PRKRA: variants seen among roughly 807,000 people sequenced by gnomAD.
The protein encoded by PRKRA is interferon-inducible double-stranded RNA-dependent protein kinase activator A.
A neutral mutation model predicts 32.4 loss-of-function variants in PRKRA; 22 were observed. The observed-to-expected ratio is 0.68, with a 90% CI of 0.49 to 0.97. The LOEUF (loss-of-function observed/expected upper bound fraction) is 0.97. Ranked by LOEUF, PRKRA falls within the 50% of genes least tolerant of loss-of-function variation. The probability of loss-of-function intolerance (pLI) is 0.00; values close to 1 mark genes in which losing one functional copy is unlikely to be tolerated. For synonymous variants in PRKRA, 139 were observed against 129.8 expected (o/e 1.07, Z -0.48); for missense variants, 319 against 375.6 (o/e 0.85, Z 1.25).
At position 178,438,141 on chromosome 2, in the gene PRKRA, G is replaced by T. The variant is rs542069676; in HGVS notation, c.610-1822C>A. ...TGCAGTAGGTTTTATGTTGTCAAAT[G>T]TATTAATCTTTTAACCTAGGTTTTA... On this transcript the variant is annotated intron_variant, in intron 6 of 7. Coordinates refer to ENST00000325748, the MANE Select transcript of PRKRA (RefSeq NM_003690.5). Among the ~76,000 whole-genome samples the T allele has an allele frequency of 1.5e-3, 221 of 152,288 alleles. 5 individuals are homozygous for T. In the South Asian group the frequency reaches 0.022, roughly 15 times the overall value.
chr2:178,441,485 T>A, intron 6 of PRKRA, 125 bp downstream of exon 6: 1 of 824,982 alleles, frequency 1.2e-6, no homozygotes, highest in Non-Finnish European at 2.0e-6. Flanking sequence ...AGGGTATAAC[T>A]GAATAATGAA....
At chr2:178,447,300 A>G (rs945122770) in intron 3 of PRKRA, 15 of 797,382 alleles carry the variant, frequency 1.9e-5, no homozygotes, top group Non-Finnish European at 2.7e-5. Context: ...CTAGTTCATG[A>G]GCACCTTCAT....
intron 6 of PRKRA, among the ~76,000 whole-genome samples, chr2:178,440,424 G>A (rs904036911): frequency 6.6e-6 from 1 of 152,112 alleles, no homozygotes; most frequent in Non-Finnish European, 1.5e-5. Context: ...TATATCATGT[G>A]TAGGCCAATC....
chr2:178,441,730 A>T (rs529529171), intron 5 of PRKRA, 26 bp from the exon 6 acceptor site: 1 of 740,808 alleles, frequency 1.3e-6, no homozygotes, highest in African/African-American at 2.0e-5. Flanking sequence ...GAAATGGTAG[A>T]TTTAGAAAAG....
At chr2:178,432,775 G>A (rs113961694) in intron 7 of PRKRA, among the ~76,000 whole-genome samples, 5 of 152,232 alleles carry the variant, frequency 3.3e-5, no homozygotes, top group African/African-American at 1.2e-4. Flanking sequence ...AAAAAAAAAT[G>A]TTTAATTGAT....
chr2:178,450,427 A>G lies in PRKRA; in HGVS notation c.66-16T>C, dbSNP rs535247514. On this transcript the variant is annotated splice_polypyrimidine_tract_variant and intron_variant, in intron 1 of 7. Transcript: ENST00000325748. Reference sequence around the variant, plus strand: ...CTTCCCCAAACTGCAAAAACCACAAAAAGGTGTGCTTTGCATGCCAAATTG... The same window carrying G: ...CTTCCCCAAACTGCAAAAACCACAAGAAGGTGTGCTTTGCATGCCAAATTG... 1 of 827,928 alleles carries G rather than the reference A, an allele frequency of 1.2e-6. No homozygotes were observed. The highest frequency in any genetic ancestry group is 3.8e-5 in the Admixed American group (1 of 26,064). The allele number at this position is 827,928 out of a possible 1,614,324, so 51.3% of individuals were successfully genotyped here. A position where few individuals can be genotyped will look rare whatever the true frequency, so the allele number is the denominator to read the frequency against.
rs1189646800 is a variant in PRKRA at position 178,436,220 on chromosome 2, G to A, written c.709C>T (p.Pro237Ser). ...AGCAGCTGGATGTAATCTGTATTTGGAATACTAAGGAGGCTTCTTTTCAGT... is the reference window on the plus strand; with the variant it reads ...AGCAGCTGGATGTAATCTGTATTTGAAATACTAAGGAGGCTTCTTTTCAGT... ...NLLKRSLLSI[P>S]NTDYIQLLSE... The change falls in exon 7 of 8, where the codon CCA (proline) becomes TCA (serine). Residue 237 changes from proline to serine, a missense_variant. Pro to Ser is a moderately conservative substitution (Grantham distance 74). Transcript: ENST00000325748. 6.2e-7 allele frequency: 1 copy of A among 1,612,742 alleles called. No homozygotes were observed. The highest frequency in any genetic ancestry group is 1.7e-5 in the Admixed American group (1 of 60,034).
chr2:178,450,219 C>G lies in PRKRA; in HGVS notation c.235+23G>C, dbSNP rs935278148. 6.2e-6 allele frequency: 10 copies of G among 1,614,108 alleles called. No individual in the cohort carries two copies. The Admixed American group carries it at 1.7e-4, about 27-fold the overall frequency. On this transcript the variant is annotated intron_variant, in intron 2 of 7. Transcript: ENST00000325748. ...ATTGACTGCCAACCCACTCGGTCAT[C>G]CAGGTTAACTGTGTATACAGACCTG...
At chr2:178,437,952 C>A (rs1048027132) in intron 6 of PRKRA, among the ~76,000 whole-genome samples, 2 of 152,178 alleles carry the variant, frequency 1.3e-5, no homozygotes, top group Non-Finnish European at 2.9e-5. Context: ...GTCCTCCCAC[C>A]TTAGCCTCCC....
chr2:178,441,717 A>G lies in PRKRA; in HGVS notation c.515-13T>C. 1 of 1,572,896 alleles carries G rather than the reference A, an allele frequency of 6.4e-7. No individual in the cohort carries two copies. Among genetic ancestry groups the G allele is most frequent in the South Asian group, 1.1e-5 (1 of 90,244 alleles). Reference sequence around the variant, plus strand: ...GATGCCCCCTTTCCTGAACAAAGAAAAAGAAATGGTAGATTTAGAAAAGAA... The same window carrying G: ...GATGCCCCCTTTCCTGAACAAAGAAGAAGAAATGGTAGATTTAGAAAAGAA... On this transcript the variant is annotated splice_polypyrimidine_tract_variant and intron_variant, in intron 5 of 7. Coordinates refer to ENST00000325748, the MANE Select transcript of PRKRA (RefSeq NM_003690.5).
intron 5 of PRKRA, among the ~76,000 whole-genome samples, chr2:178,442,196 T>C (rs1267030402): frequency 6.6e-6 from 1 of 152,220 alleles, no homozygotes; most frequent in African/African-American, 2.4e-5. Flanking sequence ...GTATAGTTAC[T>C]AATTCTTACA....
intron 7 of PRKRA, among the ~76,000 whole-genome samples, chr2:178,435,519 C>G (rs376573369): frequency 6.6e-5 from 10 of 151,890 alleles, no homozygotes; most frequent in African/African-American, 2.4e-4. Flanking sequence ...TGATTAAGGG[C>G]TAGAGAAAAT....
chr2:178,448,876 A>G (rs1181379083), intron 2 of PRKRA, among the ~76,000 whole-genome samples: 1 of 152,222 alleles, frequency 6.6e-6, no homozygotes, highest in Non-Finnish European at 1.5e-5. Context: ...GTGATTGTGG[A>G]GCCTTTACAT....
chr2:178,446,454 G>C (rs1036670127), intron 3 of PRKRA, among the ~76,000 whole-genome samples: 1 of 152,180 alleles, frequency 6.6e-6, no homozygotes, highest in Non-Finnish European at 1.5e-5. Context: ...GGTTTAGAAT[G>C]ATTTACAAAA....
chr2:178,441,964 C>T (rs1697134427), intron 5 of PRKRA, among the ~76,000 whole-genome samples: 1 of 150,088 alleles, frequency 6.7e-6, no homozygotes, highest in African/African-American at 2.5e-5. Context: ...TGGCTCACTG[C>T]AACCTCCGCC....
At chr2:178,448,651 G>A (rs1697410350) in intron 2 of PRKRA, among the ~76,000 whole-genome samples, 1 of 152,162 alleles carries the variant, frequency 6.6e-6, no homozygotes, top group Non-Finnish European at 1.5e-5. Context: ...AGACTAGAAG[G>A]TAAACGTGTA....
rs1194088964 is a variant in PRKRA at position 178,431,539 on chromosome 2, C to G, written c.*558G>C. The G allele has an allele frequency of 6.4e-6, 1 of 157,004 alleles. No individual in the cohort carries two copies. The highest frequency in any genetic ancestry group is 1.4e-5 in the Non-Finnish European group (1 of 70,576). The allele number at this position is 157,004 out of a possible 1,614,324, so 9.7% of individuals were successfully genotyped here. A position where few individuals can be genotyped will look rare whatever the true frequency, so the allele number is the denominator to read the frequency against. Reference sequence around the variant, plus strand: ...TCTTATTCACAATGGCTAACAAGAACAGGATGACAGTCAAGTCAGTAGCTT... The same window carrying G: ...TCTTATTCACAATGGCTAACAAGAAGAGGATGACAGTCAAGTCAGTAGCTT... On this transcript the variant is annotated 3_prime_UTR_variant, in exon 8 of 8. Coordinates refer to ENST00000325748, the MANE Select transcript of PRKRA (RefSeq NM_003690.5).
chr2:178,438,186 T>C (rs1479311646), intron 6 of PRKRA, among the ~76,000 whole-genome samples: 2 of 152,234 alleles, frequency 1.3e-5, no homozygotes, highest in Non-Finnish European at 2.9e-5. Flanking sequence ...GCTTTCCCCA[T>C]GCTAAGATTT....
intron 2 of PRKRA, chr2:178,449,939 T>A: frequency 2.1e-6 from 1 of 467,556 alleles, no homozygotes; most frequent in Non-Finnish European, 3.9e-6. Flanking sequence ...CCTTTCCTGC[T>A]TCCCTCTAAT....
Sources: gnomAD v4.1 joint callset for allele counts (sites outside exome capture counted in the v4.1 genomes callset) on GRCh38, gnomAD v4.1.1 for gene constraint, MANE v1.5 for transcripts, NCBI Gene and HGNC (gene_info 2026-07-23, HGNC 2026-07-21) for gene names.